ECM1: variants seen among roughly 807,000 people sequenced by gnomAD.
ECM1 encodes the protein extracellular matrix protein 1, also known as secretory component p85.
Under a neutral mutation model 57.9 loss-of-function variants are expected in ECM1, and 54 were observed. That is an observed-to-expected ratio of 0.93 (90% CI 0.75 to 1.17). The LOEUF is 1.17. Among genes scored for constraint, ECM1 ranks in the 50% most tolerant of loss-of-function variants. ECM1 has a pLI of 0.00. For synonymous variants in ECM1, 237 were observed against 259.1 expected, an observed-to-expected ratio of 0.91 and a Z score of 0.82; for missense variants, 649 against 688.1, an observed-to-expected ratio of 0.94 and a Z score of 0.64.
intron 6 of ECM1, 28 bp downstream of exon 6, chr1:150,511,226 G>C (rs199770062): frequency 6.2e-7 from 1 of 1,613,200 alleles, no homozygotes; most frequent in Admixed American, 1.7e-5. Flanking sequence ...ATGCCGGGGG[G>C]TGTCCTTTAA....
intron 1 of ECM1, chr1:150,509,314 A>C (rs1670367393): frequency 1.6e-6 from 1 of 622,096 alleles, no homozygotes; most frequent in African/African-American, 1.8e-5. Context: ...AGGTGGAGCT[A>C]TCAGACCGCC....
Position 150,513,645 on chromosome 1 carries a change from A to G in ECM1, c.*178A>G. 1 of 618,760 alleles carries G rather than the reference A, an allele frequency of 1.6e-6. No homozygotes were observed. The allele number at this position is 618,760 out of a possible 1,614,324, so 38.3% of individuals were successfully genotyped here. On this transcript the variant is annotated 3_prime_UTR_variant, in exon 10 of 10. Transcript: ENST00000369047. ...GGCCCAGGAGGGCACTGGCGTTTTC[A>G]GACACACCACAGACAAACACACCCT...
At chr1:150,511,976 C>A in intron 7 of ECM1, 145 bp downstream of exon 7, 1 of 1,187,916 alleles carries the variant, frequency 8.4e-7, no homozygotes, top group Non-Finnish European at 1.2e-6. Context: ...TCCGTCCATC[C>A]ATTGTGTTTG....
At position 150,512,079 on chromosome 1, in the gene ECM1, C is replaced by G. The variant is rs875514; in HGVS notation, c.1083+248C>G. On this transcript the variant is annotated intron_variant, in intron 7 of 9. Transcript: ENST00000369047. ...CGCATCTGTCTACCATCCATCCATCCGTCCAGCTCTGGCCTCACCTGACCT... is the reference window on the plus strand; with the variant it reads ...CGCATCTGTCTACCATCCATCCATCGGTCCAGCTCTGGCCTCACCTGACCT... Among the ~76,000 whole-genome samples the G allele has an allele frequency of 0.57, 85,783 of 150,124 alleles. 24,985 individuals carry two copies. Among genetic ancestry groups the G allele is most frequent in the Non-Finnish European group, 0.62 (41,899 of 67,720 alleles).
At chr1:150,511,922 C>A in intron 7 of ECM1, 91 bp downstream of exon 7, 6 of 1,358,386 alleles carry the variant, frequency 4.4e-6, no homozygotes, top group Non-Finnish European at 5.7e-6. Context: ...TCCATGTACC[C>A]CCCCTGCTGT....
intron 5 of ECM1, 117 bp downstream of exon 5, chr1:150,510,299 T>A (rs1670403565): frequency 1.1e-6 from 1 of 938,338 alleles, no homozygotes; most frequent in South Asian, 1.3e-5. Context: ...TAACCTTGGG[T>A]AAGTTACATA....
chr1:150,512,464 G>C lies in ECM1; in HGVS notation c.1196G>C (p.Arg399Pro). Residue 399 changes from arginine to proline, a missense_variant, in exon 8 of 10, where the codon CGG becomes CCG. Physicochemically the swap from Arg to Pro is moderately radical, Grantham distance 103 (BLOSUM62 -2). Coordinates refer to ENST00000369047, the MANE Select transcript of ECM1 (RefSeq NM_004425.4). ...SPTRDECFARRAPYPNYDRDI... is the reference protein window; with the variant it reads ...SPTRDECFARPAPYPNYDRDI... ...ACTCGGGATGAGTGCTTTGCCCGTC[G>C]GGCTCCTTACCCCAACTATGACCGG... 1 of 1,613,486 alleles carries C rather than the reference G, an allele frequency of 6.2e-7. No individual in the cohort carries two copies. Among genetic ancestry groups the C allele is most frequent in the Non-Finnish European group, 8.5e-7 (1 of 1,179,954 alleles).
rs376784973 is a variant in ECM1 at position 150,508,277 on chromosome 1, G to A, written c.68G>A (p.Gly23Glu). ...GCTGTTGCTTCTGCTGCCTCTGAGGGAGGTGAGTTGGGGGATCAGCACTTA... is the reference window on the plus strand; with the variant it reads ...GCTGTTGCTTCTGCTGCCTCTGAGGAAGGTGAGTTGGGGGATCAGCACTTA... ...YLAVASAASE[G>E]GFTATGQRQL... is the part of the protein sequence containing the mutation. Residue 23 changes from glycine (G) to glutamate (E), a missense_variant and splice_region_variant, in exon 1 of 10, where the codon GGA (glycine) becomes GAA (glutamate). Coordinates refer to ENST00000369047, the MANE Select transcript of ECM1 (RefSeq NM_004425.4). 6.2e-7 allele frequency: 1 copy of A among 1,613,744 alleles called. No homozygotes were observed. The highest frequency in any genetic ancestry group is 8.5e-7 in the Non-Finnish European group (1 of 1,180,024).
rs1383277964 is a variant in ECM1, at chr1:150,513,376, C to T, written c.1532C>T (p.Ser511Phe). Residue 511 changes from serine (S) to phenylalanine (F), a missense_variant, in exon 10 of 10, where the codon TCT (serine) becomes TTT (phenylalanine). Physicochemically the swap from Ser to Phe is radical, Grantham distance 155. Transcript: ENST00000369047. Reference sequence around the variant, plus strand: ...TATCTGAGGAACGTGGCTCTAGTGTCTGGAGACACTGAGAACGCCAAGGGC... The same window carrying T: ...TATCTGAGGAACGTGGCTCTAGTGTTTGGAGACACTGAGAACGCCAAGGGC... The part of the protein sequence containing the change: ...INYLRNVALV[S>F]GDTENAKGQG... 1 of 1,614,210 alleles carries T rather than the reference C, an allele frequency of 6.2e-7. No homozygotes were observed. The highest frequency in any genetic ancestry group is 1.3e-5 in the African/African-American group (1 of 75,060).
chr1:150,512,543 C>T lies in ECM1; in HGVS notation c.1275C>T (p.Leu425=), dbSNP rs199656407. Residue 425 remains leucine, a synonymous_variant, in exon 8 of 10, where the codon CTC becomes CTT. Transcript: ENST00000369047. The part of the protein sequence containing the change: ...GRVTPNLMGH[L]CGNQRVLTKH... ...TCACCCCCAACCTCATGGGCCACCT[C>T]TGTGGAAACCAAAGAGTTCTCACCA... 5.6e-6 allele frequency: 9 copies of T among 1,613,928 alleles called. No homozygotes were observed. In the Admixed American group the frequency reaches 1.2e-4, roughly 21 times the overall value.
Position 150,512,488 on chromosome 1 carries a change from G to A in ECM1, c.1220G>A (p.Arg407Gln), listed in dbSNP as rs775014504. Residue 407 changes from arginine (R) to glutamine (Q), a missense_variant, in exon 8 of 10, where the codon CGG (arginine) becomes CAG (glutamine). By Grantham distance (43) the Arg-to-Gln change is conservative. Coordinates refer to ENST00000369047, the MANE Select transcript of ECM1 (RefSeq NM_004425.4). Reference sequence around the variant, plus strand: ...CGGGCTCCTTACCCCAACTATGACCGGGACATCTTGACCATTGACATCGGT... The same window carrying A: ...CGGGCTCCTTACCCCAACTATGACCAGGACATCTTGACCATTGACATCGGT... ...ARRAPYPNYD[R>Q]DILTIDIGRV... is the part of the protein sequence containing the mutation. 9.9e-6 allele frequency: 16 copies of A among 1,613,592 alleles called. No individual in the cohort carries two copies. Among genetic ancestry groups the A allele is most frequent in the Middle Eastern group, 1.6e-4 (1 of 6,062 alleles).
At position 150,513,354 on chromosome 1, in the gene ECM1, C is replaced by T; in HGVS notation, c.1510C>T (p.Leu504=). The T allele has an allele frequency of 6.2e-7, 1 of 1,614,252 alleles. No homozygotes were observed. The highest frequency in any genetic ancestry group is 1.1e-5 in the South Asian group (1 of 91,088). The change falls in exon 10 of 10, where the codon CTG becomes TTG. Residue 504 remains leucine (L), a synonymous_variant. Transcript: ENST00000369047. ...EQVNCFNINY[L]RNVALVSGDT... ...GGTCAACTGCTTCAACATCAATTAT[C>T]TGAGGAACGTGGCTCTAGTGTCTGG... is the stretch of plus-strand genomic sequence containing the variant.
Position 150,511,789 on chromosome 1 carries a change from C to G in ECM1, c.1041C>G (p.Arg347=), listed in dbSNP as rs1442329215. The G allele has an allele frequency of 1.1e-5, 17 of 1,612,964 alleles. No homozygotes were observed. Among genetic ancestry groups the G allele is most frequent in the African/African-American group, 1.3e-5 (1 of 74,890 alleles). Residue 347 remains arginine, a synonymous_variant, in exon 7 of 10, where the codon CGC becomes CGG. Transcript: ENST00000369047. ...TCCAGCTGGAGAGGGAGTTCCAGCG[C>G]TGCTGCCGCCAGGGGAACAATCACA... is the stretch of plus-strand genomic sequence containing the variant. ...ALIQLEREFQ[R]CCRQGNNHTC... is the part of the protein sequence containing the mutation.
At chr1:150,509,378 A>T in intron 1 of ECM1, 153 bp from the exon 2 acceptor site, 1 of 785,620 alleles carries the variant, frequency 1.3e-6, no homozygotes, top group Admixed American at 2.0e-5. Flanking sequence ...GGGCTGGGAG[A>T]GGATTAGGGG....
intron 7 of ECM1, 100 bp downstream of exon 7, chr1:150,511,931 G>A: frequency 1.4e-6 from 2 of 1,445,574 alleles, no homozygotes; most frequent in Non-Finnish European, 9.2e-7. Flanking sequence ...CCCCCCTGCT[G>A]TGAGTGCGTC....
Position 150,509,940 on chromosome 1 carries a change from AGGAG to A in ECM1, c.244_247del (p.Glu82ProfsTer95). On this transcript the variant is annotated frameshift_variant, in exon 4 of 10. Transcript: ENST00000369047. LOFTEE classifies it high-confidence loss of function. ...TCTATAGTGCAGCCCCCTCCCTCTC[AGGAG>A]GCCACCCCTCTCCAACAGGAAAAGC... The A allele has an allele frequency of 3.1e-6, 5 of 1,613,988 alleles. No homozygotes were observed. In the South Asian group the frequency reaches 5.5e-5, roughly 18 times the overall value.
chr1:150,509,625 C>T, intron 2 of ECM1, 36 bp from the exon 3 acceptor site: 1 of 1,613,902 alleles, frequency 6.2e-7, no homozygotes, highest in East Asian at 2.2e-5. Flanking sequence ...CTCCAGGAGG[C>T]ACTGTGGGCT....
chr1:150,510,979 G>A lies in ECM1; in HGVS notation c.489G>A (p.Arg163=), dbSNP rs887112149. ...GGTCCCAAGGGGGCTGGGGCCACCG[G>A]CTGGATGGCTTCCCCCCTGGGCGGC... is the stretch of plus-strand genomic sequence containing the variant. ...QDRSQGGWGH[R]LDGFPPGRPS... The change falls in exon 6 of 10, where the codon CGG becomes CGA. Residue 163 remains arginine, a synonymous_variant. Transcript: ENST00000369047. 6.2e-7 allele frequency: 1 copy of A among 1,614,094 alleles called. No individual in the cohort carries two copies. The highest frequency in any genetic ancestry group is 8.5e-7 in the Non-Finnish European group (1 of 1,180,048).
chr1:150,510,129 T>C lies in ECM1; in HGVS notation c.332T>C (p.Val111Ala). ...EVGPPLPQEA[V>A]PLQKELPSLQ... is the part of the protein sequence containing the mutation. ...GGTCCCCCTCTCCCTCAGGAAGCTG[T>C]CCCCCTCCAAAAAGAGCTGCCCTCT... Residue 111 changes from valine to alanine, a missense_variant, in exon 5 of 10, where the codon GTC becomes GCC. Transcript: ENST00000369047. 1 of 1,613,910 alleles carries C rather than the reference T, an allele frequency of 6.2e-7. No individual in the cohort carries two copies. The highest frequency in any genetic ancestry group is 1.1e-5 in the South Asian group (1 of 91,068).
Sources: gnomAD v4.1 joint callset for allele counts (sites outside exome capture counted in the v4.1 genomes callset) on GRCh38, gnomAD v4.1.1 for gene constraint, MANE v1.5 for transcripts, NCBI Gene and HGNC (gene_info 2026-07-23, HGNC 2026-07-21) for gene names.